The following ATP8B4 variants were observed in gnomAD, a reference collection of about 807,000 sequenced individuals.
ATP8B4 encodes ATPase phospholipid transporting 8B4 (putative), also known as probable phospholipid-transporting ATPase IM.
A neutral mutation model predicts 145.6 loss-of-function variants in ATP8B4; 133 were observed. The ratio of observed to expected loss-of-function variants is 0.91; its 90% CI spans 0.79 to 1.05. The LOEUF (loss-of-function observed/expected upper bound fraction) is 1.05. ATP8B4 is among the 50% of genes least tolerant of loss of function. ATP8B4 has a pLI of 0.00. For missense variants in ATP8B4, 1,458 were observed against 1,425.2 expected (o/e 1.02, Z -0.37); for synonymous variants, 507 against 492.9 (o/e 1.03, Z -0.38).
chr15:50,086,049 A>T (rs1385606239), intron 2 of ATP8B4, among the ~76,000 whole-genome samples: 1 of 107,196 alleles, frequency 9.3e-6, no homozygotes, highest in Non-Finnish European at 1.7e-5. Flanking sequence ...TATAATATAT[A>T]GATCTATATA....
intron 14 of ATP8B4, among the ~76,000 whole-genome samples, chr15:49,950,013 C>T (rs1304189107): frequency 6.6e-6 from 1 of 152,160 alleles, no homozygotes; most frequent in Non-Finnish European, 1.5e-5. Flanking sequence ...ATGAAGCTGA[C>T]TTGATCATGG....
intron 13 of ATP8B4, among the ~76,000 whole-genome samples, chr15:49,967,941 C>T (rs1393873749): frequency 6.6e-6 from 1 of 152,192 alleles, no homozygotes; most frequent in Non-Finnish European, 1.5e-5. Context: ...AGAAACTCTA[C>T]AAGCCAGAAG....
chr15:49,877,633 C>T (rs1196021623), intron 24 of ATP8B4, among the ~76,000 whole-genome samples: 1 of 152,104 alleles, frequency 6.6e-6, no homozygotes, highest in Non-Finnish European at 1.5e-5. Context: ...TGAGCTCAAT[C>T]CCTGGTAACG....
At position 49,986,052 on chromosome 15, in the gene ATP8B4, C is replaced by G. The variant is rs959583792; in HGVS notation, c.748+1339G>C. ...ACACTTCCTTGGAGGGAGACCTATT[C>G]AACTTACCAACCAACTTCCTTGTTT... On this transcript the variant is annotated intron_variant, in intron 10 of 27. Coordinates refer to ENST00000284509, the MANE Select transcript of ATP8B4 (RefSeq NM_024837.4). 3.3e-5 allele frequency among the ~76,000 whole-genome samples: 5 copies of G among 152,198 alleles called. 1 individual carries two copies. Among genetic ancestry groups the G allele is most frequent in the African/African-American group, 1.2e-4 (5 of 41,452 alleles).
intron 23 of ATP8B4, among the ~76,000 whole-genome samples, chr15:49,881,009 G>A (rs1254841394): frequency 6.6e-6 from 1 of 152,146 alleles, no homozygotes; most frequent in African/African-American, 2.4e-5. Flanking sequence ...CTACTCGGGA[G>A]GCTGAGGCAG....
At chr15:50,058,286 T>C (rs149494586) in intron 3 of ATP8B4, among the ~76,000 whole-genome samples, 12 of 152,316 alleles carry the variant, frequency 7.9e-5, no homozygotes, top group African/African-American at 2.2e-4. Flanking sequence ...GGCATTTCTT[T>C]GAGTTGAGGT....
chr15:50,042,384 T>C (rs538236099), intron 5 of ATP8B4, among the ~76,000 whole-genome samples: 2 of 152,268 alleles, frequency 1.3e-5, no homozygotes, highest in Non-Finnish European at 2.9e-5. Flanking sequence ...TGAGGAAATA[T>C]CACATGAACC....
intron 3 of ATP8B4, among the ~76,000 whole-genome samples, chr15:50,049,872 C>T (rs191280268): frequency 2.0e-5 from 3 of 151,998 alleles, no homozygotes; most frequent in African/African-American, 7.2e-5. Context: ...GAGATGGCAT[C>T]TCATTGTGGT....
At position 50,021,572 on chromosome 15, in the gene ATP8B4, A is replaced by T. The variant is rs985490927; in HGVS notation, c.363-10655T>A. Among the ~76,000 whole-genome samples, 82 of 152,082 alleles carry T rather than the reference A, an allele frequency of 5.4e-4. 1 individual carries two copies. The highest frequency in any genetic ancestry group is 9.7e-4 in the Non-Finnish European group (66 of 68,008). ...CATGGCTAGCTGCCTCTCAGTTCAAATATTACCTCTTCAAGGGGCCTTCTC... is the reference window on the plus strand; with the variant it reads ...CATGGCTAGCTGCCTCTCAGTTCAATTATTACCTCTTCAAGGGGCCTTCTC... On this transcript the variant is annotated intron_variant, in intron 6 of 27. Coordinates refer to ENST00000284509, the MANE Select transcript of ATP8B4 (RefSeq NM_024837.4).
Position 50,009,649 on chromosome 15 carries a change from C to T in ATP8B4, c.435+1196G>A, listed in dbSNP as rs572178755. ...GTATGTTCTAACAGACACCACCTTC[C>T]AGGGTATTATTCCTAATCTTTAATG... On this transcript the variant is annotated intron_variant, in intron 7 of 27. Transcript: ENST00000284509. The T allele has an allele frequency of 1.1e-4, 50 of 454,646 alleles. 1 individual carries two copies. Among genetic ancestry groups the T allele is most frequent in the African/African-American group, 9.4e-4 (47 of 50,066 alleles). 28.2% of individuals were successfully genotyped at this position (454,646 alleles called of 1,614,324 possible). A position where few individuals can be genotyped will look rare whatever the true frequency, so the allele number is the denominator to read the frequency against.
chr15:49,989,581 A>T (rs1376730433), intron 9 of ATP8B4, among the ~76,000 whole-genome samples: 1 of 152,132 alleles, frequency 6.6e-6, no homozygotes, highest in Non-Finnish European at 1.5e-5. Flanking sequence ...CCCCTCCCTG[A>T]CCTCACACCA....
At chr15:50,070,727 TG>T (rs1323352825) in intron 3 of ATP8B4, among the ~76,000 whole-genome samples, 1 of 151,226 alleles carries the variant, frequency 6.6e-6, no homozygotes, top group Non-Finnish European at 1.5e-5. Context: ...TGGTTTTTTG[TG>T]TTGTGTTTTG....
intron 1 of ATP8B4, among the ~76,000 whole-genome samples, chr15:50,169,184 T>TGCTTCCTGGAAAGTGCC (rs1450583377): frequency 1.3e-5 from 2 of 152,194 alleles, no homozygotes; most frequent in African/African-American, 4.8e-5. Context: ...CTACAGCTGA[T>TGCTTCCTGGAAAGTGCC]GCTTCCTGGA....
At chr15:50,006,650 G>A (rs1046545083) in intron 7 of ATP8B4, among the ~76,000 whole-genome samples, 3 of 152,100 alleles carry the variant, frequency 2.0e-5, no homozygotes, top group South Asian at 4.1e-4. Flanking sequence ...TATCATTTCC[G>A]AAGAATAAAA....
intron 13 of ATP8B4, among the ~76,000 whole-genome samples, chr15:49,962,915 A>C (rs1176785746): frequency 6.6e-6 from 1 of 152,054 alleles, no homozygotes; most frequent in African/African-American, 2.4e-5. Flanking sequence ...ACTATTTGCC[A>C]GGATTAAATT....
At chr15:49,993,575 C>T (rs928308083) in intron 9 of ATP8B4, among the ~76,000 whole-genome samples, 2 of 152,104 alleles carry the variant, frequency 1.3e-5, no homozygotes, top group African/African-American at 4.8e-5. Flanking sequence ...AATTTGGCTG[C>T]TAACTGGGGG....
At chr15:50,158,123 C>T (rs1406637176) in intron 1 of ATP8B4, among the ~76,000 whole-genome samples, 3 of 152,220 alleles carry the variant, frequency 2.0e-5, no homozygotes, top group South Asian at 2.1e-4. Context: ...ACCTCCCAGC[C>T]GTCTGCCTTG....
At chr15:50,158,464 G>T (rs1302941332) in intron 1 of ATP8B4, among the ~76,000 whole-genome samples, 1 of 149,640 alleles carries the variant, frequency 6.7e-6, no homozygotes, top group African/African-American at 2.5e-5. Context: ...CCGGCCAGCC[G>T]CCCCGTCCGG....
In ATP8B4 at chr15:49,981,275, C is replaced by T. The variant is rs199530533; in HGVS notation, c.768G>A (p.Met256Ile). ...VIFAGPDTKL[M>I]QNSGKTKFKR... ...TAAACTTTGTCTTACCACTATTCTG[C>T]ATTAGTTTAGTGTCAGGACCTGCAA... is the stretch of plus-strand genomic sequence containing the variant. The change falls in exon 11 of 28, where the codon ATG becomes ATA. Residue 256 changes from methionine (M) to isoleucine (I), a missense_variant. Transcript: ENST00000284509. 79 of 1,608,526 alleles carry T rather than the reference C, an allele frequency of 4.9e-5. No homozygotes were observed. The East Asian group carries it at 1.3e-3, about 26-fold the overall frequency.
Sources: gnomAD v4.1 joint callset for allele counts (sites outside exome capture counted in the v4.1 genomes callset) on GRCh38, gnomAD v4.1.1 for gene constraint, MANE v1.5 for transcripts, NCBI Gene and HGNC (gene_info 2026-07-23, HGNC 2026-07-21) for gene names.